Variants in FREM1 observed in about 807,000 individuals in gnomAD.
FREM1 encodes the protein FRAS1-related extracellular matrix protein 1.
Under a neutral mutation model 210.1 loss-of-function variants are expected in FREM1, and 220 were observed. The ratio of observed to expected loss-of-function variants is 1.05; its 90% CI spans 0.94 to 1.17. FREM1 has a LOEUF of 1.17. FREM1 is among the 50% of genes most tolerant of loss of function. The probability of loss-of-function intolerance (pLI) is 0.00; values close to 1 mark genes in which losing one functional copy is unlikely to be tolerated. For missense variants in FREM1, 3,454 were observed against 2,675.5 expected (o/e 1.29, Z -6.42); for synonymous variants, 1,189 against 980.2 (o/e 1.21, Z -3.98).
intron 1 of FREM1, among the ~76,000 whole-genome samples, chr9:14,870,668 T>C (rs1029944119): frequency 6.6e-6 from 1 of 152,078 alleles, no homozygotes; most frequent in African/African-American, 2.4e-5. Context: ...TTTATTATTA[T>C]TATACTTTAA....
Position 14,748,448 on chromosome 9 carries a change from T to C in FREM1, c.5749A>G (p.Thr1917Ala), listed in dbSNP as rs1257222831. 1.9e-6 allele frequency: 3 copies of C among 1,613,590 alleles called. No homozygotes were observed. The highest frequency in any genetic ancestry group is 3.3e-5 in the Admixed American group (2 of 59,966). ...RGDTLRGFDSTDLSQRKLRTR... is the reference protein window; with the variant it reads ...RGDTLRGFDSADLSQRKLRTR... ...CTAAGCTTCCTTTGAGAAAGATCTG[T>C]AGAATCAAAGCCCCGCAGGGTGTCT... is the stretch of plus-strand genomic sequence containing the variant. The change falls in exon 31 of 37, where the codon ACA becomes GCA. Residue 1917 changes from threonine to alanine, a missense_variant. Coordinates refer to ENST00000380880, the MANE Select transcript of FREM1 (RefSeq NM_001379081.2).
chr9:14,852,818 T>C (rs546968401), intron 5 of FREM1, among the ~76,000 whole-genome samples: 16 of 152,340 alleles, frequency 1.1e-4, no homozygotes, highest in Non-Finnish European at 1.5e-4. Flanking sequence ...ACACTTGCCA[T>C]TGGGCTAGGA....
chr9:14,806,990 T>G (rs965514444), intron 17 of FREM1, 144 bp from the exon 18 acceptor site: 1 of 539,170 alleles, frequency 1.9e-6, no homozygotes, highest in Non-Finnish European at 3.2e-6. Flanking sequence ...TCATTTTCTT[T>G]GGCATCATTC....
At chr9:14,867,002 G>C (rs114866136) in intron 2 of FREM1, among the ~76,000 whole-genome samples, 12,118 of 152,048 alleles carry the variant, frequency 0.08, 1,443 homozygotes, top group African/African-American at 0.26. Context: ...TAGGCTTACA[G>C]GTATGTGCCA....
At chr9:14,788,586 C>T (rs1850775095) in intron 23 of FREM1, among the ~76,000 whole-genome samples, 1 of 152,170 alleles carries the variant, frequency 6.6e-6, no homozygotes, top group Admixed American at 6.5e-5. Flanking sequence ...GAAGATAAAA[C>T]TAGAGTTACA....
At chr9:14,821,445 T>C (rs1821294979) in intron 13 of FREM1, among the ~76,000 whole-genome samples, 1 of 152,242 alleles carries the variant, frequency 6.6e-6, no homozygotes. Context: ...GGAGCATTTC[T>C]CCATGATTGT....
At chr9:14,819,987 A>C (rs1173935090) in intron 13 of FREM1, among the ~76,000 whole-genome samples, 1 of 152,220 alleles carries the variant, frequency 6.6e-6, no homozygotes, top group Admixed American at 6.5e-5. Context: ...ATTCCAGAGG[A>C]AATAGATTTA....
intron 10 of FREM1, among the ~76,000 whole-genome samples, chr9:14,831,566 G>A (rs999442396): frequency 1.2e-4 from 18 of 152,212 alleles, no homozygotes; most frequent in African/African-American, 4.3e-4. Context: ...TATTAAGACA[G>A]TACTTAATTA....
At chr9:14,860,862 C>CGTATATAT (rs1359421444) in intron 3 of FREM1, among the ~76,000 whole-genome samples, 1 of 50,202 alleles carries the variant, frequency 2.0e-5, no homozygotes, top group Non-Finnish European at 3.2e-5. Context: ...CGTATATATA[C>CGTATATAT]ACATATATAT....
intron 24 of FREM1, among the ~76,000 whole-genome samples, chr9:14,782,507 G>A (rs763440918): frequency 7.9e-5 from 12 of 152,190 alleles, no homozygotes; most frequent in Non-Finnish European, 1.5e-4. Flanking sequence ...AATGAAAGAA[G>A]CTAGAAGTTC....
rs142130929 is a variant in FREM1, at chr9:14,811,921, G to A, written c.2893+891C>T. ...GAACTTGCAGTTTAAAGAGGCATAT[G>A]GATGAGTAGACAGGAAATTGCACTA... On this transcript the variant is annotated intron_variant, in intron 16 of 36. Transcript: ENST00000380880. Among the ~76,000 whole-genome samples, 715 of 152,208 alleles carry A rather than the reference G, an allele frequency of 4.7e-3. 4 individuals are homozygous for A. The highest frequency in any genetic ancestry group is 0.015 in the South Asian group (74 of 4,810).
At chr9:14,808,982 GT>G (rs1357519831) in intron 16 of FREM1, among the ~76,000 whole-genome samples, 14 of 152,182 alleles carry the variant, frequency 9.2e-5, no homozygotes, top group Non-Finnish European at 1.5e-5. Context: ...CAGTGATACG[GT>G]TTGGTTGTTC....
intron 20 of FREM1, among the ~76,000 whole-genome samples, chr9:14,800,782 A>G (rs1552897): frequency 0.79 from 120,433 of 152,130 alleles, 47,998 homozygotes; most frequent in Middle Eastern, 0.86. Flanking sequence ...CATTAATCCA[A>G]GCCTAGAGAG....
chr9:14,809,029 C>T (rs951202392), intron 16 of FREM1, among the ~76,000 whole-genome samples: 3 of 152,312 alleles, frequency 2.0e-5, no homozygotes, highest in African/African-American at 7.2e-5. Flanking sequence ...GTAACTCCCA[C>T]AATTCCCACA....
chr9:14,784,473 A>G lies in FREM1; in HGVS notation c.4339T>C (p.Tyr1447His). 1 of 1,613,952 alleles carries G rather than the reference A, an allele frequency of 6.2e-7. No individual in the cohort carries two copies. The highest frequency in any genetic ancestry group is 8.5e-7 in the Non-Finnish European group (1 of 1,179,860). Residue 1447 changes from tyrosine to histidine, a missense_variant, in exon 24 of 37, where the codon TAT becomes CAT. Physicochemically the swap from Tyr to His is moderately conservative, Grantham distance 83. Coordinates refer to ENST00000380880, the MANE Select transcript of FREM1 (RefSeq NM_001379081.2). The part of the protein sequence containing the change: ...PRYGQIEYVH[Y>H]PGVPITNFSQ... ...AAGTTTGTAATGGGAACTCCAGGAT[A>G]GTGAACATATTCGATCTGGCCATAT...
intron 1 of FREM1, among the ~76,000 whole-genome samples, chr9:14,896,758 T>C (rs1044835163): frequency 3.9e-5 from 6 of 152,176 alleles, no homozygotes; most frequent in African/African-American, 1.4e-4. Context: ...TGTGATAGCA[T>C]AGGAGCAAAA....
At chr9:14,753,876 A>G (rs7019253) in intron 29 of FREM1, among the ~76,000 whole-genome samples, 3,553 of 152,322 alleles carry the variant, frequency 0.023, 140 homozygotes, top group African/African-American at 0.081. Context: ...TTCTTAATTT[A>G]TAAGATATGC....
At chr9:14,827,527 A>G (rs111876405) in intron 10 of FREM1, among the ~76,000 whole-genome samples, 2,250 of 152,332 alleles carry the variant, frequency 0.015, 64 homozygotes, top group African/African-American at 0.049. Context: ...TCAAAGGGGA[A>G]GCAGAACTTA....
rs1832619277 is a variant in FREM1, at chr9:14,871,252, C to T, written c.-267-2008G>A. ...CACACTGACTTCCACAATGGTTGAA[C>T]TAGTTTACAGTCCTACCAACAGTGT... On this transcript the variant is annotated intron_variant, in intron 1 of 36. Coordinates refer to ENST00000380880, the MANE Select transcript of FREM1 (RefSeq NM_001379081.2). 2.6e-5 allele frequency among the ~76,000 whole-genome samples: 4 copies of T among 152,328 alleles called. No individual in the cohort carries two copies. The South Asian group carries it at 8.3e-4, about 32-fold the overall frequency.
Sources: allele counts gnomAD v4.1 joint callset (sites outside exome capture counted in the v4.1 genomes callset), GRCh38; gene constraint gnomAD v4.1.1; transcripts MANE v1.5; gene names NCBI Gene and HGNC (gene_info 2026-07-23, HGNC 2026-07-21).